ZNF536: variants seen among roughly 807,000 people sequenced by gnomAD.
The protein encoded by ZNF536 is zinc finger protein 536.
Under a neutral mutation model 84.5 loss-of-function variants are expected in ZNF536, and 13 were observed. That is an observed-to-expected ratio of 0.15 (90% CI 0.10 to 0.24). The LOEUF is 0.24. ZNF536 is among the 10% of genes least tolerant of loss of function. The pLI is 1.00. For synonymous variants in ZNF536, 811 were observed against 742.5 expected (o/e 1.09, Z -1.50); for missense variants, 1,536 against 1,747.5 (o/e 0.88, Z 2.16).
intron 1 of ZNF536, among the ~76,000 whole-genome samples, chr19:30,441,118 G>C (rs1225598221): frequency 6.6e-6 from 1 of 152,152 alleles, no homozygotes; most frequent in African/African-American, 2.4e-5. Flanking sequence ...TGCACATTCA[G>C]CCTTCTTTCC....
chr19:30,441,907 C>G (rs1057263745), intron 1 of ZNF536, among the ~76,000 whole-genome samples: 7 of 152,230 alleles, frequency 4.6e-5, no homozygotes, highest in African/African-American at 1.4e-4. Context: ...CTCCATGCCA[C>G]GCAGTCTCCT....
In ZNF536 at chr19:30,557,211, G is replaced by A. The variant is rs548891848; in HGVS notation, c.*47G>A. 48 of 1,604,192 alleles carry A rather than the reference G, an allele frequency of 3.0e-5. No individual in the cohort carries two copies. The highest frequency in any genetic ancestry group is 3.3e-4 in the Middle Eastern group (2 of 6,036). On this transcript the variant is annotated 3_prime_UTR_variant, in exon 5 of 5. Coordinates refer to ENST00000355537, the MANE Select transcript of ZNF536 (RefSeq NM_014717.3). ...TATCTGGACTTGCCCTTGTCTGTTC[G>A]TGGTCCTCGGTGGTTATCTGCAGCT...
At chr19:30,649,525 G>C (rs1391443801) in intron 1 of ZNF536, among the ~76,000 whole-genome samples, 4 of 147,084 alleles carry the variant, frequency 2.7e-5, no homozygotes, top group Non-Finnish European at 1.5e-5. Context: ...TTCATCACTT[G>C]ATATTTATTA....
intron 2 of ZNF536, among the ~76,000 whole-genome samples, chr19:30,285,734 C>T (rs56051375): frequency 0.31 from 46,535 of 151,986 alleles, 9,716 homozygotes; most frequent in East Asian, 0.6. Context: ...GACTGGATAG[C>T]GATTGGTTGC....
chr19:30,556,991 A>T (rs1339729116), intron 4 of ZNF536, 166 bp from the exon 5 acceptor site: 3 of 690,188 alleles, frequency 4.3e-6, no homozygotes, highest in Non-Finnish European at 7.6e-6. Context: ...AATCATGTTG[A>T]CTATTCTTGC....
At position 30,444,162 on chromosome 19, in the gene ZNF536, C is replaced by T. The variant is rs1342994176; in HGVS notation, c.600C>T (p.His200=). 1.3e-6 allele frequency: 2 copies of T among 1,588,816 alleles called. No individual in the cohort carries two copies. The highest frequency in any genetic ancestry group is 1.7e-6 in the Non-Finnish European group (2 of 1,169,442). The change falls in exon 2 of 5, where the codon CAC becomes CAT. Residue 200 remains histidine (H), a synonymous_variant. Transcript: ENST00000355537. ...TGCGCGAGGAGAACCGCCTGCTGCACGAGCTGGAGGAGCGCGCCATCCTGC... is the reference window on the plus strand; with the variant it reads ...TGCGCGAGGAGAACCGCCTGCTGCATGAGCTGGAGGAGCGCGCCATCCTGC... ...GRVREENRLL[H]ELEERAILRD...
chr19:30,345,535 G>A (rs1220280321), intron 2 of ZNF536, among the ~76,000 whole-genome samples: 1 of 152,224 alleles, frequency 6.6e-6, no homozygotes, highest in Non-Finnish European at 1.5e-5. Flanking sequence ...GGCAGGCAAC[G>A]TGGTTGGAAT....
chr19:30,239,697 C>T (rs556721128), intron 1 of ZNF536, among the ~76,000 whole-genome samples: 1 of 152,332 alleles, frequency 6.6e-6, no homozygotes, highest in South Asian at 2.1e-4. Context: ...AACATCCCAT[C>T]CTCTGCTGGT....
intron 2 of ZNF536, among the ~76,000 whole-genome samples, chr19:30,351,884 G>C (rs945299068): frequency 1.3e-5 from 2 of 152,246 alleles, no homozygotes; most frequent in East Asian, 1.9e-4. Flanking sequence ...TTCTTGCTGG[G>C]TCTGGATTGC....
intron 3 of ZNF536, among the ~76,000 whole-genome samples, chr19:30,546,732 G>A (rs2045572655): frequency 6.6e-6 from 1 of 152,244 alleles, no homozygotes; most frequent in Admixed American, 6.5e-5. Context: ...GTTCCTGGAA[G>A]AAATAATTGT....
At chr19:30,515,426 C>G (rs1486455074) in intron 2 of ZNF536, among the ~76,000 whole-genome samples, 5 of 152,144 alleles carry the variant, frequency 3.3e-5, no homozygotes, top group Admixed American at 6.5e-5. Flanking sequence ...ATTATTATCA[C>G]CATTACTTTT....
At chr19:30,675,674 C>T (rs939087999) in intron 1 of ZNF536, among the ~76,000 whole-genome samples, 15 of 152,080 alleles carry the variant, frequency 9.9e-5, no homozygotes, top group African/African-American at 3.1e-4. Flanking sequence ...GTAATGAGTG[C>T]GCCCACTCTG....
intron 2 of ZNF536, among the ~76,000 whole-genome samples, chr19:30,320,658 T>G (rs1387277493): frequency 6.6e-6 from 1 of 152,030 alleles, no homozygotes; most frequent in Non-Finnish European, 1.5e-5. Context: ...GATGGAACGG[T>G]GTGGAGCGTA....
chr19:30,607,944 G>A (rs2047957390), intron 1 of ZNF536, among the ~76,000 whole-genome samples: 1 of 152,028 alleles, frequency 6.6e-6, no homozygotes, highest in South Asian at 2.1e-4. Context: ...GTTACCAGGT[G>A]CATAGTATTC....
intron 1 of ZNF536, among the ~76,000 whole-genome samples, chr19:30,689,826 A>T (rs888560170): frequency 1.3e-5 from 2 of 152,200 alleles, no homozygotes; most frequent in African/African-American, 4.8e-5. Context: ...AGAGAAGAAT[A>T]AAAAAACAGG....
At chr19:30,631,414 G>T (rs2048884727) in intron 1 of ZNF536, among the ~76,000 whole-genome samples, 1 of 152,194 alleles carries the variant, frequency 6.6e-6, no homozygotes, top group Non-Finnish European at 1.5e-5. Flanking sequence ...TCCAGACCCG[G>T]CTGTCCCCTC....
chr19:30,580,358 T>A (rs2046878015), intron 1 of ZNF536, among the ~76,000 whole-genome samples: 1 of 152,162 alleles, frequency 6.6e-6, no homozygotes, highest in Non-Finnish European at 1.5e-5. Flanking sequence ...CTCCTGCCCT[T>A]GATGGATGGG....
At chr19:30,623,783 T>C (rs1427781342) in intron 1 of ZNF536, among the ~76,000 whole-genome samples, 3 of 152,322 alleles carry the variant, frequency 2.0e-5, no homozygotes, top group Admixed American at 1.3e-4. Flanking sequence ...TGTTTGCATG[T>C]TACAGAGCTG....
chr19:30,506,303 C>T (rs565571058), intron 2 of ZNF536, among the ~76,000 whole-genome samples: 7 of 152,240 alleles, frequency 4.6e-5, no homozygotes, highest in South Asian at 2.1e-4. Context: ...AAAGTTGCCC[C>T]TCTAGTTTCT....
Sources: gnomAD v4.1 joint callset for allele counts (sites outside exome capture counted in the v4.1 genomes callset) on GRCh38, gnomAD v4.1.1 for gene constraint, MANE v1.5 for transcripts, NCBI Gene and HGNC (gene_info 2026-07-23, HGNC 2026-07-21) for gene names.